Variants in MYO1H observed in about 807,000 individuals in gnomAD.
MYO1H encodes myosin IH.
Under a neutral mutation model 149.3 loss-of-function variants are expected in MYO1H, and 118 were observed. The observed-to-expected ratio is 0.79, with a 90% confidence interval of 0.68 to 0.92. The LOEUF is 0.92. Ranked by LOEUF, MYO1H falls within the 40% of genes least tolerant of loss-of-function variation. The probability of loss-of-function intolerance (pLI) is 0.00; values close to 1 mark genes in which losing one functional copy is unlikely to be tolerated. For missense variants in MYO1H, 1,212 were observed against 1,280.7 expected (o/e 0.95, Z 0.82); for synonymous variants, 447 against 465.2 (o/e 0.96, Z 0.50).
At chr12:109,324,329 A>T in the MYO1H span, among the ~76,000 whole-genome samples, 1 of 152,324 alleles carries the variant, frequency 6.6e-6, no homozygotes, top group Non-Finnish European at 1.5e-5. Context: ...CTTCTGCCAC[A>T]TTCTGTTGGT....
At chr12:109,332,604 G>T in the MYO1H span, among the ~76,000 whole-genome samples, 9 of 152,152 alleles carry the variant, frequency 5.9e-5, no homozygotes, top group Non-Finnish European at 1.3e-4. Context: ...AGAGGCCAGG[G>T]TCTCGCTCTG....
At chr12:109,427,919 T>A (rs1196280641) in intron 19 of MYO1H, among the ~76,000 whole-genome samples, 31 of 73,172 alleles carry the variant, frequency 4.2e-4, no homozygotes, top group African/African-American at 7.8e-4. Flanking sequence ...AATATATATA[T>A]ATATATATAT....
the MYO1H span, among the ~76,000 whole-genome samples, chr12:109,332,966 A>G: frequency 6.6e-6 from 1 of 152,178 alleles, no homozygotes; most frequent in African/African-American, 2.4e-5. Context: ...GCAGGTCGAC[A>G]TAATTTGTAT....
At chr12:109,445,635 G>A (rs1308986712) in intron 31 of MYO1H, 23 bp downstream of exon 31, 1 of 1,601,578 alleles carries the variant, frequency 6.2e-7, no homozygotes, top group Non-Finnish European at 8.5e-7. Flanking sequence ...CTCTGGGAGG[G>A]AAGTAAGCCG....
At chr12:109,446,225 G>A in intron 31 of MYO1H, 1 of 985,466 alleles carries the variant, frequency 1.0e-6, no homozygotes, top group Non-Finnish European at 1.2e-6. Flanking sequence ...GAGCACACAA[G>A]TACGCTGCCT....
rs763109543 is a variant in MYO1H at position 109,439,795 on chromosome 12, G to A, written c.2454+5G>A. On this transcript the variant is annotated splice_donor_5th_base_variant and intron_variant, in intron 24 of 31. Transcript: ENST00000310903. ...CCTCCTGGCATCTTGGAAAATGTAA[G>A]GACTAATCTGGGATTTCCAGTGTTG... The A allele has an allele frequency of 3.1e-6, 5 of 1,612,860 alleles. No homozygotes were observed. The highest frequency in any genetic ancestry group is 4.2e-6 in the Non-Finnish European group (5 of 1,179,072).
intron 15 of MYO1H, among the ~76,000 whole-genome samples, chr12:109,418,762 T>A (rs1434975538): frequency 6.6e-6 from 1 of 152,096 alleles, no homozygotes; most frequent in East Asian, 1.9e-4. Context: ...GCCAAGATGG[T>A]CTCGATCTCC....
At chr12:109,327,739 C>CAAAAAAAAAAAAAAAAAAAA in the MYO1H span, among the ~76,000 whole-genome samples, 1 of 85,646 alleles carries the variant, frequency 1.2e-5, no homozygotes, top group Non-Finnish European at 2.2e-5. Flanking sequence ...AAAACTGTCT[C>CAAAAAAAAAAAAAAAAAAAA]AAAAAAAAAA....
At chr12:109,392,581 G>A (rs1424992496) in intron 2 of MYO1H, among the ~76,000 whole-genome samples, 1 of 151,894 alleles carries the variant, frequency 6.6e-6, no homozygotes, top group African/African-American at 2.4e-5. Flanking sequence ...AATTAGCTGG[G>A]GGTGGTGGCG....
chr12:109,354,439 C>CA (rs11289375), intron 1 of MYO1H: 2,190 of 147,310 alleles, frequency 0.015, 21 homozygotes, highest in Middle Eastern at 0.035. Flanking sequence ...CTTGTCTCTA[C>CA]AAAAAAAAAA....
Position 109,444,522 on chromosome 12 carries a change from C to T in MYO1H, c.2986C>T (p.Gln996Ter), listed in dbSNP as rs763703353. The change falls in exon 30 of 32, where the codon CAA becomes TAA. Residue 996 changes from glutamine to a stop codon, truncating the protein, a stop_gained. Transcript: ENST00000310903. LOFTEE classifies it high-confidence loss of function. ...GAAGGAGAACATTGTCAATGTTGTT[C>T]AAGGAAGGTAGGTGGCTTCATCTTC... 6.2e-7 allele frequency: 1 copy of T among 1,613,082 alleles called. No individual in the cohort carries two copies. The highest frequency in any genetic ancestry group is 1.7e-5 in the Admixed American group (1 of 59,986).
intron 1 of MYO1H, among the ~76,000 whole-genome samples, chr12:109,380,077 T>A (rs1321983088): frequency 6.6e-6 from 1 of 152,010 alleles, no homozygotes; most frequent in Non-Finnish European, 1.5e-5. Flanking sequence ...TTACTTTTTG[T>A]AGAGATACGG....
Position 109,406,878 on chromosome 12 carries a change from T to A in MYO1H, c.1035+18T>A. 6.2e-7 allele frequency: 1 copy of A among 1,610,356 alleles called. No individual in the cohort carries two copies. Among genetic ancestry groups the A allele is most frequent in the Non-Finnish European group, 8.5e-7 (1 of 1,176,876 alleles). On this transcript the variant is annotated intron_variant, in intron 9 of 31. Coordinates refer to ENST00000310903, the Ensembl canonical transcript of MYO1H. ...CTGAGGAGGTAAAAATGGCTATAGG[T>A]GGAAATGTGCCAGCCCTCCCTGCTG...
chr12:109,331,416 A>G, the MYO1H span, among the ~76,000 whole-genome samples: 1 of 137,842 alleles, frequency 7.3e-6, no homozygotes, highest in African/African-American at 2.6e-5. Flanking sequence ...TCAAGGTAGA[A>G]GTTCTGAGAT....
At chr12:109,426,160 C>T (rs1871345545) in intron 18 of MYO1H, 109 bp downstream of exon 18, 3 of 742,534 alleles carry the variant, frequency 4.0e-6, no homozygotes, top group Admixed American at 2.1e-5. Context: ...GCTCGATGTC[C>T]TCTGGATGTG....
rs1371759593 is a variant in MYO1H at position 109,402,336 on chromosome 12, A to AT, written c.750+1064_750+1065insT. ...TCTCACTTGGCCTGGCTTTGAATGG[A>AT]GGCCACCTTGTAGAATGTAGATGAA... On this transcript the variant is annotated intron_variant, in intron 6 of 31. Coordinates refer to ENST00000310903, the Ensembl canonical transcript of MYO1H. Among the ~76,000 whole-genome samples, 6 of 152,158 alleles carry AT rather than the reference A, an allele frequency of 3.9e-5. No homozygotes were observed. In the East Asian group the frequency reaches 1.2e-3, roughly 29 times the overall value.
At chr12:109,400,966 C>CA (rs1393169427) in intron 5 of MYO1H, 127 bp from the exon 6 acceptor site, 83 of 855,948 alleles carry the variant, frequency 9.7e-5, no homozygotes, top group Middle Eastern at 2.4e-4. Context: ...TTGATATGTC[C>CA]AAAAAAAAGA....
At chr12:109,410,332 G>A (rs532925427) in intron 12 of MYO1H, among the ~76,000 whole-genome samples, 15 of 152,014 alleles carry the variant, frequency 9.9e-5, no homozygotes, top group African/African-American at 3.6e-4. Context: ...TGTAGAGACA[G>A]GGTCTCTCTA....
chr12:109,370,412 G>C (rs1868956834), intron 1 of MYO1H, among the ~76,000 whole-genome samples: 2 of 152,188 alleles, frequency 1.3e-5, no homozygotes, highest in Admixed American at 1.3e-4. Flanking sequence ...TGTCTACCCA[G>C]CAGTGGGATG....
Sources: gnomAD v4.1 joint callset for allele counts (sites outside exome capture counted in the v4.1 genomes callset) on GRCh38, gnomAD v4.1.1 for gene constraint, MANE v1.5 for transcripts, NCBI Gene and HGNC (gene_info 2026-07-23, HGNC 2026-07-21) for gene names.